POU6F2: variants seen among roughly 807,000 people sequenced by gnomAD.
POU6F2 encodes POU class 6 homeobox 2.
A neutral mutation model predicts 71.3 loss-of-function variants in POU6F2; 31 were observed. That is an observed-to-expected ratio of 0.43 (90% CI 0.33 to 0.59). POU6F2 has a LOEUF of 0.59. POU6F2 is among the 20% of genes least tolerant of loss of function. POU6F2 has a pLI of 0.04. For missense variants in POU6F2, 783 were observed against 856.8 expected (o/e 0.91, Z 1.07); for synonymous variants, 347 against 355.7 (o/e 0.98, Z 0.27).
intron 1 of POU6F2, among the ~76,000 whole-genome samples, chr7:39,049,198 A>G (rs1790356460): frequency 6.6e-6 from 1 of 151,648 alleles, no homozygotes. Context: ...CTTGATGTTC[A>G]TGTAAATCCA....
chr7:39,114,307 A>G (rs1365233480), intron 2 of POU6F2, among the ~76,000 whole-genome samples: 1 of 152,220 alleles, frequency 6.6e-6, no homozygotes, highest in Non-Finnish European at 1.5e-5. Context: ...TTTAAATAAG[A>G]GGGAAGCTCA....
chr7:39,355,419 T>C (rs1786235262), intron 5 of POU6F2, among the ~76,000 whole-genome samples: 1 of 152,188 alleles, frequency 6.6e-6, no homozygotes, highest in Non-Finnish European at 1.5e-5. Context: ...ATATATATTT[T>C]GTATGTATAT....
intron 2 of POU6F2, among the ~76,000 whole-genome samples, chr7:39,088,730 C>T (rs1244896520): frequency 6.6e-6 from 1 of 152,160 alleles, no homozygotes; most frequent in Non-Finnish European, 1.5e-5. Context: ...TAACCAACAA[C>T]AGGAGACAAG....
chr7:38,979,648 GT>G (rs1196709260), intron 1 of POU6F2, among the ~76,000 whole-genome samples: 1 of 152,124 alleles, frequency 6.6e-6, no homozygotes, highest in Non-Finnish European at 1.5e-5. Context: ...TAAAATAATT[GT>G]GGTGTAGGGA....
At chr7:39,342,215 A>G (rs1401535359) in intron 5 of POU6F2, among the ~76,000 whole-genome samples, 2 of 151,924 alleles carry the variant, frequency 1.3e-5, no homozygotes, top group South Asian at 4.1e-4. Context: ...CGGTAGGCAT[A>G]AAAGGACTTT....
chr7:38,979,867 T>C (rs1195046995), intron 1 of POU6F2, among the ~76,000 whole-genome samples: 1 of 150,280 alleles, frequency 6.7e-6, no homozygotes, highest in Non-Finnish European at 1.5e-5. Flanking sequence ...TATATATTTC[T>C]GGTGAAAAAA....
intron 4 of POU6F2, among the ~76,000 whole-genome samples, chr7:39,253,352 T>C (rs1783962747): frequency 6.6e-6 from 1 of 152,230 alleles, no homozygotes. Flanking sequence ...AGAAGGTTTG[T>C]TGAGTGAGGT....
At chr7:39,325,230 C>T (rs771086805) in intron 4 of POU6F2, among the ~76,000 whole-genome samples, 63 of 152,188 alleles carry the variant, frequency 4.1e-4, no homozygotes, top group Non-Finnish European at 8.1e-4. Flanking sequence ...GCTTAAGAGA[C>T]AGTATTATCA....
At chr7:39,155,014 G>A (rs1331526431) in intron 2 of POU6F2, among the ~76,000 whole-genome samples, 3 of 152,060 alleles carry the variant, frequency 2.0e-5, no homozygotes, top group East Asian at 3.9e-4. Flanking sequence ...AAATGATCCC[G>A]GTACACAGGT....
intron 2 of POU6F2, among the ~76,000 whole-genome samples, chr7:39,103,275 G>C (rs977180135): frequency 4.6e-5 from 7 of 152,188 alleles, no homozygotes; most frequent in African/African-American, 1.7e-4. Flanking sequence ...TGAATAATGA[G>C]AGCTCATGAC....
chr7:39,205,243 G>A (rs1016517532), intron 3 of POU6F2, among the ~76,000 whole-genome samples: 1 of 152,064 alleles, frequency 6.6e-6, no homozygotes, highest in Non-Finnish European at 1.5e-5. Context: ...GGACTCTCAG[G>A]AACAGGATTT....
intron 2 of POU6F2, among the ~76,000 whole-genome samples, chr7:39,143,279 C>T (rs1264492029): frequency 6.6e-6 from 1 of 152,114 alleles, no homozygotes; most frequent in Non-Finnish European, 1.5e-5. Flanking sequence ...TTGTGTTAAG[C>T]ACTATTCTCT....
intron 2 of POU6F2, among the ~76,000 whole-genome samples, chr7:39,193,898 A>T (rs1793722394): frequency 2.0e-5 from 3 of 152,242 alleles, no homozygotes; most frequent in Non-Finnish European, 1.5e-5. Context: ...TGTATAAATG[A>T]ATGGAATAAT....
At chr7:39,105,171 G>T (rs1352242889) in intron 2 of POU6F2, among the ~76,000 whole-genome samples, 1 of 152,148 alleles carries the variant, frequency 6.6e-6, no homozygotes, top group African/African-American at 2.4e-5. Flanking sequence ...GATGAAAATA[G>T]ATTTCCCAAA....
chr7:39,000,536 C>T (rs1584489582), intron 1 of POU6F2, among the ~76,000 whole-genome samples: 1 of 110,684 alleles, frequency 9.0e-6, no homozygotes, highest in Admixed American at 8.1e-5. Flanking sequence ...CACAGACACA[C>T]ACACACACAC....
chr7:39,105,830 C>T (rs570659344), intron 2 of POU6F2, among the ~76,000 whole-genome samples: 33 of 152,260 alleles, frequency 2.2e-4, no homozygotes, highest in African/African-American at 7.5e-4. Flanking sequence ...ATCTTGTTTT[C>T]CTGAATCAAT....
At chr7:39,075,725 A>G (rs1232863789) in intron 1 of POU6F2, among the ~76,000 whole-genome samples, 1 of 152,204 alleles carries the variant, frequency 6.6e-6, no homozygotes, top group Non-Finnish European at 1.5e-5. Flanking sequence ...AGTGACATGA[A>G]GATGCTTCCA....
chr7:39,048,333 T>C (rs1790332765), intron 1 of POU6F2, among the ~76,000 whole-genome samples: 1 of 145,228 alleles, frequency 6.9e-6, no homozygotes, highest in African/African-American at 2.6e-5. Flanking sequence ...ACCTGATAGG[T>C]AGTTTTTTTT....
intron 4 of POU6F2, among the ~76,000 whole-genome samples, chr7:39,311,185 T>C (rs575652397): frequency 6.7e-6 from 1 of 148,418 alleles, no homozygotes; most frequent in African/African-American, 2.5e-5. Context: ...GGATCCCTGA[T>C]AAGGAAAAAA....
Sources: gnomAD v4.1 joint callset for allele counts (sites outside exome capture counted in the v4.1 genomes callset) on GRCh38, gnomAD v4.1.1 for gene constraint, MANE v1.5 for transcripts, NCBI Gene and HGNC (gene_info 2026-07-23, HGNC 2026-07-21) for gene names.